CEP112: variants seen among roughly 807,000 people sequenced by gnomAD.
CEP112 encodes centrosomal protein 112.
In CEP112, 127 loss-of-function variants were observed where a neutral mutation model predicts 153.0. That is an observed-to-expected ratio of 0.83 (90% confidence interval 0.72 to 0.96). The LOEUF is 0.96. Among genes scored for constraint, CEP112 ranks in the 40% least tolerant of loss-of-function variants. The probability of loss-of-function intolerance (pLI) is 0.00; values close to 1 mark genes in which losing one functional copy is unlikely to be tolerated. For synonymous variants in CEP112, 358 were observed against 374.4 expected (o/e 0.96, Z 0.51); for missense variants, 1,089 against 1,101.2 (o/e 0.99, Z 0.16).
At chr17:65,826,616 A>G in intron 21 of CEP112, 2 of 1,168,102 alleles carry the variant, frequency 1.7e-6, no homozygotes, top group Non-Finnish European at 2.1e-6. Context: ...AATAGGAAGC[A>G]GGCTAAAGAT....
At chr17:65,965,159 C>T (rs1400970353) in intron 17 of CEP112, among the ~76,000 whole-genome samples, 1 of 152,098 alleles carries the variant, frequency 6.6e-6, no homozygotes, top group Non-Finnish European at 1.5e-5. Flanking sequence ...ACCTACTAAG[C>T]TTAGTTCATT....
chr17:66,143,981 A>G (rs1281193237), intron 4 of CEP112, among the ~76,000 whole-genome samples: 1 of 152,132 alleles, frequency 6.6e-6, no homozygotes, highest in African/African-American at 2.4e-5. Flanking sequence ...CTCTCTCACC[A>G]TTGTTGGCTG....
chr17:65,801,877 A>T (rs1338903276), intron 21 of CEP112, among the ~76,000 whole-genome samples: 1 of 152,130 alleles, frequency 6.6e-6, no homozygotes, highest in Admixed American at 6.6e-5. Context: ...TGCCCACGGG[A>T]AATAAAGTGT....
At chr17:66,099,081 C>T (rs2068458845) in intron 6 of CEP112, among the ~76,000 whole-genome samples, 1 of 152,084 alleles carries the variant, frequency 6.6e-6, no homozygotes, top group African/African-American at 2.4e-5. Context: ...AAAGGCAGTT[C>T]TAGGAAGGAA....
chr17:65,803,296 G>A (rs1409119599), intron 21 of CEP112, among the ~76,000 whole-genome samples: 1 of 152,182 alleles, frequency 6.6e-6, no homozygotes, highest in Non-Finnish European at 1.5e-5. Flanking sequence ...AACAGTAAGA[G>A]ATAATATTGC....
chr17:66,178,593 G>A (rs1293995163), intron 2 of CEP112, among the ~76,000 whole-genome samples: 4 of 152,058 alleles, frequency 2.6e-5, no homozygotes, highest in Non-Finnish European at 5.9e-5. Context: ...CGCTTTGGTT[G>A]CCTGTGCTTT....
chr17:65,991,159 G>T (rs1020063741), intron 17 of CEP112, among the ~76,000 whole-genome samples: 4 of 152,208 alleles, frequency 2.6e-5, no homozygotes, highest in Middle Eastern at 3.4e-3. Flanking sequence ...CCACGACAAA[G>T]AATAAACTTT....
At chr17:65,668,157 A>G (rs2046792786) in intron 24 of CEP112, among the ~76,000 whole-genome samples, 1 of 152,028 alleles carries the variant, frequency 6.6e-6, no homozygotes, top group Non-Finnish European at 1.5e-5. Context: ...CAGCCTCTCA[A>G]AGTGCTGGGA....
intron 17 of CEP112, among the ~76,000 whole-genome samples, chr17:65,971,846 A>G (rs1004040170): frequency 1.3e-5 from 2 of 152,244 alleles, no homozygotes; most frequent in African/African-American, 4.8e-5. Flanking sequence ...GTAAATTTAC[A>G]GTACTTAAAG....
chr17:65,762,421 T>C (rs999168830), intron 21 of CEP112, among the ~76,000 whole-genome samples: 1 of 152,058 alleles, frequency 6.6e-6, no homozygotes, highest in African/African-American at 2.4e-5. Context: ...TTTAGGCCAT[T>C]GACATCCAAA....
At chr17:65,861,404 T>C (rs1272402396) in intron 20 of CEP112, among the ~76,000 whole-genome samples, 1 of 152,020 alleles carries the variant, frequency 6.6e-6, no homozygotes, top group Non-Finnish European at 1.5e-5. Context: ...GATTGATGAA[T>C]TAGATTGCAA....
At position 65,774,981 on chromosome 17, in the gene CEP112, G is replaced by A. The variant is rs568843763; in HGVS notation, c.2395-24257C>T. On this transcript the variant is annotated intron_variant, in intron 21 of 26. Transcript: ENST00000535342. ...CATGCAGGAAAGGAGTAGTAGCAGC[G>A]GAGACACAAAAAGCTGCTTTATTAC... 3.1e-4 allele frequency among the ~76,000 whole-genome samples: 47 copies of A among 152,108 alleles called. No individual in the cohort carries two copies. In the South Asian group the frequency reaches 9.4e-3, roughly 30 times the overall value.
chr17:65,704,489 C>T (rs969229403), intron 23 of CEP112, among the ~76,000 whole-genome samples: 3 of 151,990 alleles, frequency 2.0e-5, no homozygotes, highest in African/African-American at 7.2e-5. Flanking sequence ...CCTACTAGAC[C>T]TCATTTTACC....
At chr17:65,776,345 C>T (rs1448815682) in intron 21 of CEP112, among the ~76,000 whole-genome samples, 1 of 152,214 alleles carries the variant, frequency 6.6e-6, no homozygotes, top group Non-Finnish European at 1.5e-5. Flanking sequence ...CACCATTCTC[C>T]TGCCTCAGCC....
At chr17:66,111,593 T>C (rs1568502317) in intron 6 of CEP112, among the ~76,000 whole-genome samples, 1 of 152,150 alleles carries the variant, frequency 6.6e-6, no homozygotes, top group African/African-American at 2.4e-5. Flanking sequence ...TAGCAAACTA[T>C]TAAAAACACA....
At chr17:66,043,093 T>C in intron 12 of CEP112, 1 of 981,054 alleles carries the variant, frequency 1.0e-6, no homozygotes, top group Non-Finnish European at 1.2e-6. Context: ...GATCTTAACC[T>C]ACCTTAACCT....
At chr17:65,918,048 C>T (rs368774657) in intron 19 of CEP112, among the ~76,000 whole-genome samples, 35 of 151,854 alleles carry the variant, frequency 2.3e-4, no homozygotes, top group East Asian at 7.8e-4. Context: ...GGCGTGGTGG[C>T]GTGTGCCTGT....
chr17:65,661,822 A>G (rs141422604), intron 24 of CEP112: 2 of 152,306 alleles, frequency 1.3e-5, no homozygotes, highest in East Asian at 3.9e-4. Flanking sequence ...CATCTGCTCT[A>G]GGTGAGATGG....
chr17:66,020,429 C>T (rs2064957058), intron 16 of CEP112, among the ~76,000 whole-genome samples: 1 of 152,170 alleles, frequency 6.6e-6, no homozygotes, highest in Admixed American at 6.5e-5. Context: ...ACACTAAGCT[C>T]ATGAAGGGCA....
Sources: gnomAD v4.1 joint callset for allele counts (sites outside exome capture counted in the v4.1 genomes callset) on GRCh38, gnomAD v4.1.1 for gene constraint, MANE v1.5 for transcripts, NCBI Gene and HGNC (gene_info 2026-07-23, HGNC 2026-07-21) for gene names.